PHF21B: variants seen among roughly 807,000 people sequenced by gnomAD.
PHF21B encodes the protein PHD finger protein 21B.
PHF21B carries 22 observed loss-of-function variants against 62.2 expected under a neutral mutation model. The observed-to-expected ratio is 0.35, with a 90% CI of 0.25 to 0.51. The LOEUF (loss-of-function observed/expected upper bound fraction) is 0.51. Ranked by LOEUF, PHF21B falls within the 20% of genes least tolerant of loss-of-function variation. PHF21B has a pLI of 0.97. For missense variants in PHF21B, 701 were observed against 707.9 expected (o/e 0.99, Z 0.11); for synonymous variants, 341 against 314.7 (o/e 1.08, Z -0.88).
At chr22:44,955,327 G>A (rs2072274249) in intron 2 of PHF21B, among the ~76,000 whole-genome samples, 1 of 152,232 alleles carries the variant, frequency 6.6e-6, no homozygotes, top group Admixed American at 6.5e-5. Flanking sequence ...GCTCACAGGG[G>A]TGTTGTGACC....
At chr22:44,919,425 G>A (rs1158896999) in intron 3 of PHF21B, among the ~76,000 whole-genome samples, 1 of 152,186 alleles carries the variant, frequency 6.6e-6, no homozygotes, top group Admixed American at 6.5e-5. Flanking sequence ...TTTATGTGCG[G>A]CCTAAGACAA....
chr22:44,931,804 T>C (rs1039186807), intron 2 of PHF21B, among the ~76,000 whole-genome samples: 2 of 152,118 alleles, frequency 1.3e-5, no homozygotes, highest in Non-Finnish European at 2.9e-5. Context: ...CACTTCTGCA[T>C]CTACTCAACT....
intron 2 of PHF21B, among the ~76,000 whole-genome samples, chr22:44,937,930 A>G (rs1369661238): frequency 1.3e-5 from 2 of 152,270 alleles, no homozygotes; most frequent in Non-Finnish European, 2.9e-5. Context: ...CGCATCGCGC[A>G]GGTGCAGAAT....
At chr22:44,988,734 A>G (rs2072995007) in intron 2 of PHF21B, among the ~76,000 whole-genome samples, 1 of 152,250 alleles carries the variant, frequency 6.6e-6, no homozygotes, top group Non-Finnish European at 1.5e-5. Context: ...TCGAGAAAAA[A>G]GCATTGTGGA....
In PHF21B at chr22:44,891,290, T is replaced by C. The variant is rs779704197; in HGVS notation, c.1015+16A>G. On this transcript the variant is annotated intron_variant, in intron 8 of 12. Transcript: ENST00000313237. ...CCCTGAGCAGCTCTGGCAGAAGGCCTGAAGCCGGTGCTTACCTCTCGCTGT... is the reference window on the plus strand; with the variant it reads ...CCCTGAGCAGCTCTGGCAGAAGGCCCGAAGCCGGTGCTTACCTCTCGCTGT... 3.7e-6 allele frequency: 6 copies of C among 1,613,368 alleles called. No homozygotes were observed. In the Admixed American group the frequency reaches 8.3e-5, roughly 22 times the overall value.
At chr22:44,893,927 C>T (rs958077235) in intron 6 of PHF21B, among the ~76,000 whole-genome samples, 1 of 152,258 alleles carries the variant, frequency 6.6e-6, no homozygotes, top group Non-Finnish European at 1.5e-5. Flanking sequence ...TCCCAGCTCC[C>T]GGAAGCCCAG....
intron 2 of PHF21B, 185 bp downstream of exon 2, chr22:45,008,360 C>T (rs753654102): frequency 4.0e-4 from 201 of 507,464 alleles, no homozygotes; most frequent in Non-Finnish European, 4.4e-4. Flanking sequence ...CTCTCCCTGC[C>T]GCCTCCGAGA....
chr22:44,883,244 C>G lies in PHF21B; in HGVS notation c.1438G>C (p.Asp480His). ...ARQRGTQSSL[D>H]RLRALLRLIQ... ...AGTCTCAGGAGGGCCCGCAGGCGGT[C>G]CAGGGATGACTGGGTGCCCCTCTGG... The change falls in exon 13 of 13, where the codon GAC becomes CAC. Residue 480 changes from aspartate to histidine, a missense_variant. Coordinates refer to ENST00000313237, the MANE Select transcript of PHF21B (RefSeq NM_138415.5). 6.2e-7 allele frequency: 1 copy of G among 1,613,932 alleles called. No homozygotes were observed. The highest frequency in any genetic ancestry group is 8.5e-7 in the Non-Finnish European group (1 of 1,179,966).
intron 5 of PHF21B, among the ~76,000 whole-genome samples, chr22:44,911,219 A>G (rs1397799903): frequency 6.6e-6 from 1 of 152,222 alleles, no homozygotes; most frequent in Non-Finnish European, 1.5e-5. Flanking sequence ...ACAGAGCATA[A>G]AAGTTCAGAA....
At chr22:44,915,752 G>T (rs528109647) in intron 4 of PHF21B, among the ~76,000 whole-genome samples, 1 of 152,192 alleles carries the variant, frequency 6.6e-6, no homozygotes, top group East Asian at 1.9e-4. Flanking sequence ...AGGCAGCCCC[G>T]AAGGCCTCAA....
At chr22:44,955,351 A>G (rs2072274872) in intron 2 of PHF21B, among the ~76,000 whole-genome samples, 1 of 152,198 alleles carries the variant, frequency 6.6e-6, no homozygotes, top group African/African-American at 2.4e-5. Context: ...AAGTGAGAAG[A>G]TGCACTCACG....
intron 5 of PHF21B, among the ~76,000 whole-genome samples, chr22:44,905,888 G>A (rs2349863): frequency 0.017 from 2,593 of 152,168 alleles, 29 homozygotes; most frequent in Non-Finnish European, 0.026. Context: ...TCGGCCTCCC[G>A]AAGTGCTGGG....
intron 3 of PHF21B, among the ~76,000 whole-genome samples, chr22:44,919,885 C>A (rs1161880177): frequency 6.6e-6 from 1 of 152,254 alleles, no homozygotes; most frequent in Non-Finnish European, 1.5e-5. Flanking sequence ...CCCAGGAAGG[C>A]TGAGAGGTCA....
At chr22:44,971,062 C>G (rs949096122) in intron 2 of PHF21B, 2 of 152,200 alleles carry the variant, frequency 1.3e-5, no homozygotes, top group African/African-American at 4.8e-5. Flanking sequence ...GGACTCGCCT[C>G]AAAATGCAAA....
At chr22:44,947,457 T>C (rs2072097672) in intron 2 of PHF21B, among the ~76,000 whole-genome samples, 1 of 152,204 alleles carries the variant, frequency 6.6e-6, no homozygotes, top group Admixed American at 6.5e-5. Context: ...CCCCCTGCCC[T>C]ATAGAACCTC....
intron 12 of PHF21B, among the ~76,000 whole-genome samples, chr22:44,883,716 C>A (rs977215917): frequency 1.3e-5 from 2 of 152,140 alleles, no homozygotes; most frequent in African/African-American, 4.8e-5. Context: ...TGTCTCTCTA[C>A]GCACCACCGC....
At chr22:45,003,966 TAC>T (rs200956589) in intron 2 of PHF21B, among the ~76,000 whole-genome samples, 13 of 151,994 alleles carry the variant, frequency 8.6e-5, no homozygotes, top group Non-Finnish European at 4.4e-5. Flanking sequence ...AGTCATTTTA[TAC>T]ACACACACAC....
At chr22:44,941,424 G>A (rs1055074217) in intron 2 of PHF21B, among the ~76,000 whole-genome samples, 4 of 152,194 alleles carry the variant, frequency 2.6e-5, no homozygotes, top group Non-Finnish European at 5.9e-5. Context: ...ACCTCAGGAG[G>A]AAGCTCAGTC....
chr22:44,912,246 T>C (rs2071356222), intron 5 of PHF21B, among the ~76,000 whole-genome samples: 1 of 152,218 alleles, frequency 6.6e-6, no homozygotes, highest in African/African-American at 2.4e-5. Context: ...GACTGTGGAC[T>C]TTTGAGGTTA....
Sources: allele counts gnomAD v4.1 joint callset (sites outside exome capture counted in the v4.1 genomes callset), GRCh38; gene constraint gnomAD v4.1.1; transcripts MANE v1.5; gene names NCBI Gene and HGNC (gene_info 2026-07-23, HGNC 2026-07-21).